RBM4B: variants seen among roughly 807,000 people sequenced by gnomAD.
The protein encoded by RBM4B is RNA-binding protein 4B.
RBM4B carries 13 observed loss-of-function variants against 28.5 expected under a neutral mutation model. That is an observed-to-expected ratio of 0.46 (90% confidence interval 0.30 to 0.72). RBM4B has a LOEUF of 0.72. Ranked by LOEUF, RBM4B falls within the 30% of genes least tolerant of loss-of-function variation. The probability of loss-of-function intolerance (pLI) is 0.09; values close to 1 mark genes in which losing one functional copy is unlikely to be tolerated. For synonymous variants in RBM4B, 167 were observed against 179.1 expected (o/e 0.93, Z 0.54); for missense variants, 387 against 477.6 (o/e 0.81, Z 1.77).
intron 2 of RBM4B, chr11:66,676,181 G>A (rs1239029208): frequency 1.2e-5 from 2 of 165,856 alleles, no homozygotes; most frequent in Non-Finnish European, 2.6e-5. Context: ...ATCCAGACTT[G>A]CCACCCAGAT....
At chr11:66,671,435 T>C (rs1565094734) in intron 2 of RBM4B, among the ~76,000 whole-genome samples, 2 of 152,166 alleles carry the variant, frequency 1.3e-5, no homozygotes, top group Non-Finnish European at 2.9e-5. Context: ...CATTAAGCTA[T>C]GTGACAGACA....
intron 2 of RBM4B, among the ~76,000 whole-genome samples, chr11:66,673,565 T>A (rs1215492517): frequency 6.6e-6 from 1 of 152,196 alleles, no homozygotes; most frequent in Non-Finnish European, 1.5e-5. Context: ...TTCAAGTGAT[T>A]CTCCTGCCTC....
rs1300169949 is a variant in RBM4B at position 66,673,772 on chromosome 11, T to C, written c.412+2896A>G. 2.0e-5 allele frequency among the ~76,000 whole-genome samples: 3 copies of C among 152,202 alleles called. No homozygotes were observed. The East Asian group carries it at 5.8e-4, about 29-fold the overall frequency. The stretch of plus-strand genomic sequence containing the variant: ...CACCTCACCCGGGCTCAAGTGGCCC[T>C]TTTAAGAGGCCACCTTCATTAGTAG... On this transcript the variant is annotated intron_variant, in intron 2 of 3. Transcript: ENST00000310046.
chr11:66,665,666 T>G, intron 3 of RBM4B, 88 bp from the exon 4 acceptor site: 1 of 1,520,346 alleles, frequency 6.6e-7, no homozygotes, highest in Non-Finnish European at 8.8e-7. Flanking sequence ...CTGTCCTGTA[T>G]TCCGGGGGGA....
chr11:66,666,205 C>G (rs954973002), intron 3 of RBM4B: 32 of 858,016 alleles, frequency 3.7e-5, no homozygotes, highest in Non-Finnish European at 4.3e-5. Flanking sequence ...CTAGAATTCT[C>G]TAATCCTTCT....
chr11:66,666,227 GA>G, intron 3 of RBM4B: 2 of 896,672 alleles, frequency 2.2e-6, no homozygotes, highest in Middle Eastern at 4.2e-4. Context: ...TTGATGATGG[GA>G]ACTCCAGACA....
intron 3 of RBM4B, chr11:66,666,129 G>C: frequency 1.3e-6 from 1 of 763,478 alleles, no homozygotes; most frequent in Non-Finnish European, 2.0e-6. Context: ...CACAGAGTGA[G>C]AGCCACAGTT....
rs539171629 is a variant in RBM4B, at chr11:66,672,406, T to TAAAA, written c.413-3119_413-3116dup. Among the ~76,000 whole-genome samples, 116 of 58,986 alleles carry TAAAA rather than the reference T, an allele frequency of 2.0e-3. 3 individuals carry two copies. Among genetic ancestry groups the TAAAA allele is most frequent in the African/African-American group, 8.2e-3 (107 of 13,070 alleles). The allele number at this position is 58,986 out of a possible 152,430, so 38.7% of individuals were successfully genotyped here. A position where few individuals can be genotyped will look rare whatever the true frequency, so the allele number is the denominator to read the frequency against. The stretch of plus-strand genomic sequence containing the variant: ...GCCTAGGCAATAGAGCAAGACTGTC[T>TAAAA]AAAAAAAAAAAAAAAAAAAAAAACC... On this transcript the variant is annotated intron_variant, in intron 2 of 3. Coordinates refer to ENST00000310046, the MANE Select transcript of RBM4B (RefSeq NM_031492.4).
intron 3 of RBM4B, 182 bp from the exon 4 acceptor site, chr11:66,665,760 T>G: frequency 7.7e-7 from 1 of 1,302,386 alleles, no homozygotes; most frequent in Non-Finnish European, 1.0e-6. Context: ...AATAGCTATA[T>G]ATAGGAATCC....
At chr11:66,666,822 A>G (rs1039312240) in intron 3 of RBM4B, 8 of 152,334 alleles carry the variant, frequency 5.3e-5, no homozygotes, top group African/African-American at 1.9e-4. Flanking sequence ...TCTTGCTGAC[A>G]TGCATATAGG....
intron 3 of RBM4B, 51 bp from the exon 4 acceptor site, chr11:66,665,629 T>C (rs1382946739): frequency 2.6e-6 from 4 of 1,535,366 alleles, no homozygotes; most frequent in Admixed American, 2.0e-5. Flanking sequence ...GAGAGCAGCC[T>C]GGCTCCGCGT....
At chr11:66,668,462 C>G in intron 3 of RBM4B, 153 bp downstream of exon 3, 1 of 613,406 alleles carries the variant, frequency 1.6e-6, no homozygotes, top group South Asian at 2.3e-5. Flanking sequence ...GAACTTGTGG[C>G]CTAAGCTAGA....
intron 3 of RBM4B, chr11:66,665,910 AC>A (rs1285873194): frequency 1.3e-6 from 2 of 1,535,500 alleles, no homozygotes; most frequent in South Asian, 2.4e-5. Context: ...GGGCATACAT[AC>A]ATTTTCAAGA....
rs144595667 is a variant in RBM4B at position 66,676,604 on chromosome 11, G to A, written c.412+64C>T. 2,535 of 1,559,048 alleles carry A rather than the reference G, an allele frequency of 1.6e-3. 33 individuals are homozygous for A. In the East Asian group the frequency reaches 0.021, roughly 13 times the overall value. On this transcript the variant is annotated intron_variant, in intron 2 of 3. Coordinates refer to ENST00000310046, the MANE Select transcript of RBM4B (RefSeq NM_031492.4). Reference sequence around the variant, plus strand: ...ACCACCCAGCAAGTTCTATAGTCTTGTGTTCTTGCCTGTTTTGAGCTAGAC... The same window carrying A: ...ACCACCCAGCAAGTTCTATAGTCTTATGTTCTTGCCTGTTTTGAGCTAGAC...
chr11:66,672,509 G>C (rs1414532208), intron 2 of RBM4B, among the ~76,000 whole-genome samples: 12 of 150,746 alleles, frequency 8.0e-5, no homozygotes, highest in Non-Finnish European at 1.6e-4. Context: ...TTTTTTTGGG[G>C]GGGGGGGACA....
In RBM4B at chr11:66,677,169, C is replaced by T; in HGVS notation, c.-12-78G>A. ...GTGCACTGCAGCATTTTCGTCTAAT[C>T]CTCCAAAGTTCTTGCACCTTCAAGA... is the stretch of plus-strand genomic sequence containing the variant. On this transcript the variant is annotated intron_variant, in intron 1 of 3. Coordinates refer to ENST00000310046, the MANE Select transcript of RBM4B (RefSeq NM_031492.4). 4 of 1,520,488 alleles carry T rather than the reference C, an allele frequency of 2.6e-6. No homozygotes were observed. The South Asian group carries it at 3.8e-5, about 14-fold the overall frequency. 94.2% of individuals were successfully genotyped at this position (1,520,488 alleles called of 1,614,324 possible). A position where few individuals can be genotyped will look rare whatever the true frequency, so the allele number is the denominator to read the frequency against.
intron 3 of RBM4B, chr11:66,667,386 CAGTT>C (rs1283990472): frequency 1.3e-5 from 2 of 152,136 alleles, no homozygotes; most frequent in Non-Finnish European, 2.9e-5. Context: ...TGAAAATTAC[CAGTT>C]TATCTAACTC....
intron 1 of RBM4B, chr11:66,677,507 A>C: frequency 6.0e-6 from 1 of 166,814 alleles, no homozygotes; most frequent in Non-Finnish European, 1.3e-5. Context: ...AAAAAGAAAA[A>C]AGTCCCCTTT....
chr11:66,673,421 TATAGAA>T (rs1239177332), intron 2 of RBM4B, among the ~76,000 whole-genome samples: 1 of 152,186 alleles, frequency 6.6e-6, no homozygotes, highest in East Asian at 1.9e-4. Context: ...GCCATTAACA[TATAGAA>T]ATAAAGGTTC....
Sources: allele counts gnomAD v4.1 joint callset (sites outside exome capture counted in the v4.1 genomes callset), GRCh38; gene constraint gnomAD v4.1.1; transcripts MANE v1.5; gene names NCBI Gene and HGNC (gene_info 2026-07-23, HGNC 2026-07-21).